Variants in PLAUR observed in about 807,000 individuals in gnomAD.
PLAUR encodes plasminogen activator, urokinase receptor.
In PLAUR, 22 loss-of-function variants were observed where a neutral mutation model predicts 33.4. That is an observed-to-expected ratio of 0.66 (90% CI 0.47 to 0.94). The LOEUF is 0.94. Ranked by LOEUF, PLAUR falls within the 40% of genes least tolerant of loss-of-function variation. The pLI, the probability that PLAUR is intolerant of heterozygous loss-of-function variation, is 0.00. For synonymous variants in PLAUR, 148 were observed against 167.3 expected (o/e 0.88, Z 0.89); for missense variants, 408 against 434.7 (o/e 0.94, Z 0.55).
chr19:43,667,852 T>C (rs1315959833), intron 1 of PLAUR, 161 bp from the exon 2 acceptor site: 11 of 1,447,282 alleles, frequency 7.6e-6, no homozygotes, highest in South Asian at 2.8e-5. Context: ...ACTTCCAGTC[T>C]GTCCGTTGTC....
chr19:43,652,667 T>C (rs1170965918), intron 5 of PLAUR, among the ~76,000 whole-genome samples: 1 of 152,144 alleles, frequency 6.6e-6, no homozygotes, highest in Admixed American at 6.6e-5. Flanking sequence ...TTATTTATTT[T>C]TGATACAGGG....
intron 3 of PLAUR, among the ~76,000 whole-genome samples, chr19:43,657,240 G>C (rs182194783): frequency 6.6e-5 from 10 of 152,106 alleles, no homozygotes; most frequent in Admixed American, 2.6e-4. Flanking sequence ...CACTGCACTC[G>C]GGCCCTTAGA....
At chr19:43,649,174 C>T (rs1973889227) in intron 6 of PLAUR, 31 bp from the exon 7 acceptor site, 1 of 1,594,846 alleles carries the variant, frequency 6.3e-7, no homozygotes, top group African/African-American at 1.3e-5. Flanking sequence ...GTGAGACTTC[C>T]AGCTCCTGGG....
At chr19:43,665,966 T>G (rs1967224491) in intron 2 of PLAUR, among the ~76,000 whole-genome samples, 1 of 151,994 alleles carries the variant, frequency 6.6e-6, no homozygotes, top group African/African-American at 2.4e-5. Flanking sequence ...GTCCCACTCC[T>G]GCTCTTGTAG....
At chr19:43,664,512 G>T (rs984774211) in intron 3 of PLAUR, among the ~76,000 whole-genome samples, 5 of 152,186 alleles carry the variant, frequency 3.3e-5, no homozygotes, top group African/African-American at 4.8e-5. Context: ...GCTTATGGTT[G>T]TTGCCCAGGC....
rs1600109814 is a variant in PLAUR, at chr19:43,649,061, G to A, written c.837C>T (p.Ser279=). ...AGCAGGAGACATCAATGTGGTTCAT[G>A]CTGAAGGCGTCACCCAGGTGGGCAT... ...CQHAHLGDAF[S]MNHIDVSCCT... The change falls in exon 7 of 7, where the codon AGC becomes AGT. Residue 279 remains serine (S), a synonymous_variant. Transcript: ENST00000340093. 3.7e-6 allele frequency: 6 copies of A among 1,614,218 alleles called. No homozygotes were observed. Among genetic ancestry groups the A allele is most frequent in the Non-Finnish European group, 5.1e-6 (6 of 1,180,022 alleles).
intron 1 of PLAUR, among the ~76,000 whole-genome samples, chr19:43,669,802 ACT>A (rs1967442483): frequency 9.6e-6 from 1 of 104,700 alleles, no homozygotes. Flanking sequence ...ACAGAGTGAG[ACT>A]CTGTCAAAAA....
chr19:43,666,134 C>T (rs1452906655), intron 2 of PLAUR, among the ~76,000 whole-genome samples: 18 of 151,982 alleles, frequency 1.2e-4, no homozygotes, highest in Non-Finnish European at 1.9e-4. Context: ...GCAATCATAG[C>T]TCACCACAAC....
intron 5 of PLAUR, among the ~76,000 whole-genome samples, 193 bp downstream of exon 5, chr19:43,655,246 C>T (rs1434790492): frequency 7.5e-6 from 1 of 134,022 alleles, no homozygotes; most frequent in Non-Finnish European, 1.5e-5. Flanking sequence ...CATTGCACTC[C>T]AGCCTGGGCA....
intron 5 of PLAUR, among the ~76,000 whole-genome samples, chr19:43,653,201 GA>G (rs1351912015): frequency 1.3e-5 from 2 of 152,144 alleles, no homozygotes; most frequent in Non-Finnish European, 2.9e-5. Flanking sequence ...ATATTAAATC[GA>G]ATCTTAAAAT....
intron 1 of PLAUR, chr19:43,668,360 T>C (rs957195090): frequency 1.2e-4 from 113 of 958,144 alleles, no homozygotes; most frequent in Non-Finnish European, 1.4e-4. Flanking sequence ...GTCGAGGTTC[T>C]AGCCCCGCCC....
At chr19:43,651,874 C>A in intron 6 of PLAUR, 1 of 1,038,986 alleles carries the variant, frequency 9.6e-7, no homozygotes, top group Non-Finnish European at 1.2e-6. Context: ...GAGAAATCCA[C>A]CAAAGAATTC....
chr19:43,652,719 T>C (rs2146208222), intron 5 of PLAUR, among the ~76,000 whole-genome samples: 1 of 152,224 alleles, frequency 6.6e-6, no homozygotes, highest in African/African-American at 2.4e-5. Flanking sequence ...GGCGCAATTG[T>C]AGCTCACTGC....
intron 1 of PLAUR, chr19:43,668,059 T>C (rs1967339509): frequency 1.4e-5 from 15 of 1,061,360 alleles, no homozygotes; most frequent in African/African-American, 1.7e-5. Flanking sequence ...CGGCCCTCGG[T>C]CGATTACGCC....
Position 43,656,476 on chromosome 19 carries a change from C to A in PLAUR, c.472+3G>T. On this transcript the variant is annotated splice_donor_region_variant and intron_variant, in intron 4 of 6. Coordinates refer to ENST00000340093, the MANE Select transcript of PLAUR (RefSeq NM_002659.4). ...GAGGAGTTGCCAGCAGGTTGGGGCT[C>A]ACCTTCTTCACCTTCCTGGATCCAG... 6.3e-7 allele frequency: 1 copy of A among 1,577,538 alleles called. No homozygotes were observed. Among genetic ancestry groups the A allele is most frequent in the Non-Finnish European group, 8.6e-7 (1 of 1,157,822 alleles).
intron 5 of PLAUR, among the ~76,000 whole-genome samples, chr19:43,652,726 C>T (rs1974048081): frequency 6.6e-6 from 1 of 152,162 alleles, no homozygotes; most frequent in Non-Finnish European, 1.5e-5. Context: ...TTGTAGCTCA[C>T]TGCAGCCTCG....
intron 6 of PLAUR, 67 bp from the exon 7 acceptor site, chr19:43,649,210 T>C: frequency 1.9e-6 from 3 of 1,555,350 alleles, no homozygotes; most frequent in Non-Finnish European, 2.6e-6. Context: ...CTCCAGTAGG[T>C]GACCTGCCAC....
intron 5 of PLAUR, among the ~76,000 whole-genome samples, chr19:43,654,080 C>T (rs559013233): frequency 2.8e-4 from 42 of 151,420 alleles, no homozygotes; most frequent in Non-Finnish European, 4.3e-4. Flanking sequence ...GCCAAGATCG[C>T]GCCACTGCAC....
At position 43,663,955 on chromosome 19, in the gene PLAUR, A is replaced by G. The variant is rs75781699; in HGVS notation, c.310+1361T>C. On this transcript the variant is annotated intron_variant, in intron 3 of 6. Transcript: ENST00000340093. ...CCTGACCACTGCCAACTCTCTCCCC[A>G]GGACCCTTCATGTCCCTGTGACCCA... is the stretch of plus-strand genomic sequence containing the variant. 2.1e-3 allele frequency among the ~76,000 whole-genome samples: 325 copies of G among 152,188 alleles called. 9 individuals carry two copies. The East Asian group carries it at 0.056, about 26-fold the overall frequency.
Sources: gnomAD v4.1 joint callset for allele counts (sites outside exome capture counted in the v4.1 genomes callset) on GRCh38, gnomAD v4.1.1 for gene constraint, MANE v1.5 for transcripts, NCBI Gene and HGNC (gene_info 2026-07-23, HGNC 2026-07-21) for gene names.